Variants in PLB1 observed in about 807,000 individuals in gnomAD.
PLB1 encodes the protein phospholipase B1, also known as phospholipase B1, membrane-associated.
In PLB1, 242 loss-of-function variants were observed where a neutral mutation model predicts 227.4. The ratio of observed to expected loss-of-function variants is 1.06; its 90% CI spans 0.96 to 1.18. PLB1 has a LOEUF of 1.18. PLB1 is among the 50% of genes most tolerant of loss of function. The probability of loss-of-function intolerance (pLI) is 0.00; values close to 1 mark genes in which losing one functional copy is unlikely to be tolerated. For synonymous variants in PLB1, 757 were observed against 682.2 expected, an observed-to-expected ratio of 1.11 and a Z score of -1.71; for missense variants, 1,858 against 1,816.3, an observed-to-expected ratio of 1.02 and a Z score of -0.42.
chr2:28,617,428 G>A (rs1269989076), intron 44 of PLB1, among the ~76,000 whole-genome samples: 1 of 152,162 alleles, frequency 6.6e-6, no homozygotes, highest in African/African-American at 2.4e-5. Flanking sequence ...CTGCTTTGGG[G>A]CAGCCACTGG....
rs1676995776 is a variant in PLB1 at position 28,566,793 on chromosome 2, C to T, written c.1281-3C>T. 2 of 1,614,128 alleles carry T rather than the reference C, an allele frequency of 1.2e-6. No individual in the cohort carries two copies. Among genetic ancestry groups the T allele is most frequent in the Non-Finnish European group, 8.5e-7 (1 of 1,179,990 alleles). On this transcript the variant is annotated splice_region_variant and splice_polypyrimidine_tract_variant and intron_variant, in intron 19 of 57. Transcript: ENST00000327757. Reference sequence around the variant, plus strand: ...CATTTTCTTTCTTGGACCCACGTTACAGCGTCGGCGGAGATGAGAACATCG... The same window carrying T: ...CATTTTCTTTCTTGGACCCACGTTATAGCGTCGGCGGAGATGAGAACATCG...
chr2:28,593,903 T>A lies in PLB1; in HGVS notation c.2321+149T>A. ...GAAAAAGCTATATATTTCTGCAAAA[T>A]GTGAACATTTGGTGAGTGGAGAGGA... is the stretch of plus-strand genomic sequence containing the variant. On this transcript the variant is annotated intron_variant, in intron 33 of 57. Coordinates refer to ENST00000327757, the MANE Select transcript of PLB1 (RefSeq NM_153021.5). The A allele has an allele frequency of 6.6e-6, 5 of 757,274 alleles. No homozygotes were observed. The South Asian group carries it at 7.4e-5, about 11-fold the overall frequency. 46.9% of individuals were successfully genotyped at this position (757,274 alleles called of 1,614,324 possible). A position where few individuals can be genotyped will look rare whatever the true frequency, so the allele number is the denominator to read the frequency against.
chr2:28,618,955 CA>C (rs1323868801), intron 46 of PLB1, among the ~76,000 whole-genome samples: 19 of 152,218 alleles, frequency 1.2e-4, no homozygotes, highest in African/African-American at 4.6e-4. Context: ...CATAGCCCCC[CA>C]GCAACCTGTC....
chr2:28,552,197 G>T (rs971087097), intron 16 of PLB1, among the ~76,000 whole-genome samples: 1 of 152,152 alleles, frequency 6.6e-6, no homozygotes, highest in Non-Finnish European at 1.5e-5. Flanking sequence ...AGTTGAAGAA[G>T]GCTTTCCAAA....
intron 23 of PLB1, among the ~76,000 whole-genome samples, chr2:28,581,352 G>C (rs1679907853): frequency 6.6e-6 from 1 of 151,950 alleles, no homozygotes; most frequent in Non-Finnish European, 1.5e-5. Flanking sequence ...TCGGGCCATA[G>C]GACAGAGGCT....
At chr2:28,611,372 C>T (rs1302443163) in intron 43 of PLB1, among the ~76,000 whole-genome samples, 3 of 152,204 alleles carry the variant, frequency 2.0e-5, no homozygotes, top group African/African-American at 4.8e-5. Flanking sequence ...ATTCTGGTCA[C>T]GGTAGGACTG....
intron 17 of PLB1, among the ~76,000 whole-genome samples, chr2:28,560,990 C>T (rs897364435): frequency 6.6e-6 from 1 of 152,222 alleles, no homozygotes; most frequent in African/African-American, 2.4e-5. Context: ...CGATCTCGCT[C>T]TCCCTCATCC....
chr2:28,611,219 CCTT>C (rs1685414614), intron 43 of PLB1, among the ~76,000 whole-genome samples: 4 of 152,200 alleles, frequency 2.6e-5, no homozygotes, highest in Admixed American at 2.6e-4. Flanking sequence ...TCTAGTGTCT[CCTT>C]GACCTCTAGC....
intron 12 of PLB1, among the ~76,000 whole-genome samples, chr2:28,541,006 A>G (rs1672401136): frequency 6.6e-6 from 1 of 152,060 alleles, no homozygotes. Flanking sequence ...CCTCATCTCT[A>G]CTAAAAATAC....
chr2:28,593,777 C>T, intron 33 of PLB1, 23 bp downstream of exon 33: 1 of 1,592,416 alleles, frequency 6.3e-7, no homozygotes, highest in African/African-American at 1.3e-5. Context: ...TTTGACCTCT[C>T]CCAGCGTTCC....
rs745934740 is a variant in PLB1 at position 28,633,030 on chromosome 2, G to A, written c.4089G>A (p.Trp1363Ter). ...RGHAEMAIAL[W>*]NNMLEPVGRK... ...ATGCCGAGATGGCCATCGCACTCTGGAACAACATGGTGAGCAGCCAAGGGC... is the reference window on the plus strand; with the variant it reads ...ATGCCGAGATGGCCATCGCACTCTGAAACAACATGGTGAGCAGCCAAGGGC... Residue 1363 changes from tryptophan to a stop codon, truncating the protein, a stop_gained, in exon 56 of 58, where the codon TGG becomes TGA. Coordinates refer to ENST00000327757, the MANE Select transcript of PLB1 (RefSeq NM_153021.5). LOFTEE classifies it high-confidence loss of function. The A allele has an allele frequency of 2.2e-5, 35 of 1,613,138 alleles. No homozygotes were observed. The highest frequency in any genetic ancestry group is 2.9e-5 in the Non-Finnish European group (34 of 1,179,900).
At position 28,620,920 on chromosome 2, in the gene PLB1, A is replaced by G. The variant is rs772475446; in HGVS notation, c.3469A>G (p.Thr1157Ala). 3.1e-6 allele frequency: 5 copies of G among 1,613,778 alleles called. No individual in the cohort carries two copies. Among genetic ancestry groups the G allele is most frequent in the Admixed American group, 3.3e-5 (2 of 59,976 alleles). The change falls in exon 49 of 58, where the codon ACC (threonine) becomes GCC (alanine). Residue 1157 changes from threonine (T) to alanine (A), a missense_variant. Thr to Ala is a moderately conservative substitution (Grantham distance 58, BLOSUM62 0). Transcript: ENST00000327757. ...KFNPYLLGFS[T>A]STWEGTAGLN... ...CAACCCTTACCTCCTTGGCTTCTCT[A>G]CCAGCACCTGGGAGGGGACAGCAGG...
intron 14 of PLB1, among the ~76,000 whole-genome samples, chr2:28,545,669 C>T (rs1310142631): frequency 2.6e-5 from 4 of 152,200 alleles, no homozygotes. Flanking sequence ...CTCCTTCCTA[C>T]CCTTGGTTTC....
chr2:28,642,989 A>G lies in PLB1; in HGVS notation c.4305A>G (p.Thr1435=). The part of the protein sequence containing the change: ...GVGLVVGIIG[T]VVWRCRRGGR... Reference sequence around the variant, plus strand: ...GCCTTGTGGTGGGCATCATCGGGACAGTGGTCTGGAGGTGCAGGAGAGGTG... The same window carrying G: ...GCCTTGTGGTGGGCATCATCGGGACGGTGGTCTGGAGGTGCAGGAGAGGTG... Residue 1435 remains threonine, a synonymous_variant, in exon 58 of 58, where the codon ACA becomes ACG. Transcript: ENST00000327757. The G allele has an allele frequency of 1.2e-6, 2 of 1,611,080 alleles. No homozygotes were observed. Among genetic ancestry groups the G allele is most frequent in the Middle Eastern group, 1.7e-4 (1 of 6,042 alleles).
At position 28,643,152 on chromosome 2, in the gene PLB1, C is replaced by A. The variant is rs956141531; in HGVS notation, c.*91C>A. The A allele has an allele frequency of 3.1e-6, 4 of 1,284,810 alleles. No individual in the cohort carries two copies. The African/African-American group carries it at 6.0e-5, about 19-fold the overall frequency. The allele number at this position is 1,284,810 out of a possible 1,614,324, so 79.6% of individuals were successfully genotyped here. A position where few individuals can be genotyped will look rare whatever the true frequency, so the allele number is the denominator to read the frequency against. ...CACTCCCGGCCACCAGGACATGCTT[C>A]AATGCCTGGTGCCATAGGAAGCCCA... On this transcript the variant is annotated 3_prime_UTR_variant, in exon 58 of 58. Transcript: ENST00000327757.
Position 28,642,877 on chromosome 2 carries a change from C to G in PLB1, c.4193C>G (p.Thr1398Ser). Residue 1398 changes from threonine (T) to serine (S), a missense_variant, in exon 58 of 58, where the codon ACC (threonine) becomes AGC (serine). Thr to Ser is a moderately conservative substitution (Grantham distance 58). Transcript: ENST00000327757. ...CPSPESPYLYTLRNSRLLPDQ... is the reference protein window; with the variant it reads ...CPSPESPYLYSLRNSRLLPDQ... Reference sequence around the variant, plus strand: ...CCACAGGAGAGCCCTTACCTCTACACCCTGCGGAACAGCCGATTGCTCCCA... The same window carrying G: ...CCACAGGAGAGCCCTTACCTCTACAGCCTGCGGAACAGCCGATTGCTCCCA... 4 of 1,603,508 alleles carry G rather than the reference C, an allele frequency of 2.5e-6. No homozygotes were observed. Among genetic ancestry groups the G allele is most frequent in the Non-Finnish European group, 2.6e-6 (3 of 1,174,748 alleles).
intron 20 of PLB1, among the ~76,000 whole-genome samples, chr2:28,567,555 C>T (rs113747340): frequency 2.1e-5 from 3 of 140,380 alleles, no homozygotes; most frequent in East Asian, 2.0e-4. Context: ...CTCATTGCAA[C>T]CTCCGCCTCC....
At chr2:28,599,538 C>G (rs1455252711) in intron 35 of PLB1, among the ~76,000 whole-genome samples, 3 of 151,234 alleles carry the variant, frequency 2.0e-5, no homozygotes, top group Non-Finnish European at 4.4e-5. Flanking sequence ...TGGATCCATC[C>G]CACCCAGGTC....
At position 28,577,593 on chromosome 2, in the gene PLB1, A is replaced by G. The variant is rs1453040653; in HGVS notation, c.1434-514A>G. 2.6e-5 allele frequency among the ~76,000 whole-genome samples: 4 copies of G among 152,354 alleles called. 1 individual carries two copies. Among genetic ancestry groups the G allele is most frequent in the South Asian group, 4.1e-4 (2 of 4,828 alleles). ...CGCGGTGGCTCACGCCTGTAATCCC[A>G]GCATTTTGGGAGGCCGAGGCAGATG... On this transcript the variant is annotated intron_variant, in intron 21 of 57. Transcript: ENST00000327757.
Sources: gnomAD v4.1 joint callset for allele counts (sites outside exome capture counted in the v4.1 genomes callset) on GRCh38, gnomAD v4.1.1 for gene constraint, MANE v1.5 for transcripts, NCBI Gene and HGNC (gene_info 2026-07-23, HGNC 2026-07-21) for gene names.